MEI4: variants seen among roughly 807,000 people sequenced by gnomAD.
The protein encoded by MEI4 is meiosis-specific protein MEI4.
A neutral mutation model predicts 31.4 loss-of-function variants in MEI4; 27 were observed. That is an observed-to-expected ratio of 0.86 (90% CI 0.63 to 1.19). The LOEUF (loss-of-function observed/expected upper bound fraction) is 1.19. MEI4 is among the 50% of genes most tolerant of loss of function. MEI4 has a pLI of 0.00. For synonymous variants in MEI4, 122 were observed against 145.4 expected, an observed-to-expected ratio of 0.84 and a Z score of 1.16; for missense variants, 329 against 398.9, an observed-to-expected ratio of 0.82 and a Z score of 1.49.
intron 4 of MEI4, among the ~76,000 whole-genome samples, chr6:77,894,421 G>A (rs1282811268): frequency 6.6e-6 from 1 of 151,926 alleles, no homozygotes; most frequent in Non-Finnish European, 1.5e-5. Flanking sequence ...CGTAATACAA[G>A]TGTCTATAAG....
chr6:77,839,448 C>A (rs1474420624), intron 4 of MEI4, among the ~76,000 whole-genome samples: 1 of 152,086 alleles, frequency 6.6e-6, no homozygotes, highest in Admixed American at 6.6e-5. Flanking sequence ...TGGAGAAGGG[C>A]ATCCTTAATT....
intron 1 of MEI4, among the ~76,000 whole-genome samples, chr6:77,657,126 G>T (rs370380491): frequency 7.9e-5 from 12 of 152,114 alleles, no homozygotes; most frequent in East Asian, 5.8e-4. Flanking sequence ...TCAAAAATAA[G>T]GCTACTGCAC....
At chr6:77,817,627 A>AT (rs573597560) in intron 3 of MEI4, among the ~76,000 whole-genome samples, 206 of 152,038 alleles carry the variant, frequency 1.4e-3, no homozygotes, top group Admixed American at 6.2e-3. Context: ...CTCAATTTGT[A>AT]TTTTTTATTT....
intron 1 of MEI4, among the ~76,000 whole-genome samples, chr6:77,689,392 T>C (rs1380976877): frequency 6.6e-6 from 1 of 152,096 alleles, no homozygotes; most frequent in African/African-American, 2.4e-5. Flanking sequence ...GATGAACATA[T>C]TTTATACAGA....
At chr6:77,794,252 C>T (rs1371614587) in intron 3 of MEI4, among the ~76,000 whole-genome samples, 1 of 152,102 alleles carries the variant, frequency 6.6e-6, no homozygotes, top group African/African-American at 2.4e-5. Flanking sequence ...GAGGAAATGA[C>T]AGTTGTTAAC....
chr6:77,841,518 T>A (rs1326140199), intron 4 of MEI4, among the ~76,000 whole-genome samples: 7 of 150,958 alleles, frequency 4.6e-5, no homozygotes, highest in African/African-American at 1.7e-4. Flanking sequence ...TTTTCTGTAT[T>A]TTTAGTAGAG....
intron 4 of MEI4, among the ~76,000 whole-genome samples, chr6:77,838,073 A>G (rs1582200128): frequency 6.6e-6 from 1 of 152,154 alleles, no homozygotes; most frequent in East Asian, 1.9e-4. Context: ...TATTATTATT[A>G]CTATTCAACA....
In MEI4 at chr6:77,795,151, T is replaced by G. The variant is rs140725093; in HGVS notation, c.768+33486T>G. Among the ~76,000 whole-genome samples, 702 of 152,108 alleles carry G rather than the reference T, an allele frequency of 4.6e-3. 7 individuals are homozygous for G. Among genetic ancestry groups the G allele is most frequent in the South Asian group, 0.022 (104 of 4,828 alleles). On this transcript the variant is annotated intron_variant, in intron 3 of 4. Transcript: ENST00000684080. ...ATCTCAAACAACCTAACTTTACACCTAAAATAACTAGAAAAAGAAGAAACT... is the reference window on the plus strand; with the variant it reads ...ATCTCAAACAACCTAACTTTACACCGAAAATAACTAGAAAAAGAAGAAACT...
chr6:77,816,639 C>T (rs1344640420), intron 3 of MEI4, among the ~76,000 whole-genome samples: 1 of 152,030 alleles, frequency 6.6e-6, no homozygotes, highest in African/African-American at 2.4e-5. Flanking sequence ...GATTTATAAT[C>T]CTTTGGGTAT....
At chr6:77,773,813 CTG>C (rs1554163331) in intron 3 of MEI4, among the ~76,000 whole-genome samples, 5 of 151,972 alleles carry the variant, frequency 3.3e-5, no homozygotes, top group Admixed American at 6.6e-5. Flanking sequence ...TCAAATAACT[CTG>C]TAAGAAAAAC....
Position 77,677,933 on chromosome 6 carries a change from A to G in MEI4, c.-14-12725A>G, listed in dbSNP as rs9448132. Among the ~76,000 whole-genome samples the G allele has an allele frequency of 8.1e-3, 1,226 of 152,280 alleles. 14 individuals are homozygous for G. The highest frequency in any genetic ancestry group is 0.027 in the African/African-American group (1,110 of 41,552). On this transcript the variant is annotated intron_variant, in intron 1 of 4. Coordinates refer to ENST00000684080, the MANE Select transcript of MEI4 (RefSeq NM_001322247.2). Reference sequence around the variant, plus strand: ...GAGGTGATACTTTTACAGTTTTCTTATAGTAACTGAAAGGACAATTAGACT... The same window carrying G: ...GAGGTGATACTTTTACAGTTTTCTTGTAGTAACTGAAAGGACAATTAGACT...
intron 2 of MEI4, among the ~76,000 whole-genome samples, chr6:77,739,324 A>G (rs550043808): frequency 2.0e-5 from 3 of 152,102 alleles, no homozygotes; most frequent in African/African-American, 2.4e-5. Context: ...TCCCAGCACT[A>G]TTTATTAAAT....
intron 4 of MEI4, among the ~76,000 whole-genome samples, chr6:77,863,274 T>G (rs1770918582): frequency 6.6e-6 from 1 of 151,940 alleles, no homozygotes; most frequent in Non-Finnish European, 1.5e-5. Context: ...CTTCAGATGA[T>G]GAAACAACTC....
chr6:77,774,321 TAGTC>T (rs759722236), intron 3 of MEI4, among the ~76,000 whole-genome samples: 33 of 152,140 alleles, frequency 2.2e-4, no homozygotes, highest in Non-Finnish European at 4.4e-4. Context: ...AATGAAGTAG[TAGTC>T]AGCCGTAAAA....
At chr6:77,866,775 G>A (rs181767148) in intron 4 of MEI4, among the ~76,000 whole-genome samples, 40 of 152,304 alleles carry the variant, frequency 2.6e-4, no homozygotes, top group Non-Finnish European at 8.8e-5. Flanking sequence ...TCAATTCTAA[G>A]TCAAAAGAAC....
chr6:77,834,009 C>T (rs1450437774), intron 4 of MEI4, among the ~76,000 whole-genome samples: 1 of 152,142 alleles, frequency 6.6e-6, no homozygotes, highest in Non-Finnish European at 1.5e-5. Flanking sequence ...ATATGTGCCA[C>T]ATTTTCTTTA....
At chr6:77,852,732 T>C (rs984476677) in intron 4 of MEI4, among the ~76,000 whole-genome samples, 2 of 152,030 alleles carry the variant, frequency 1.3e-5, no homozygotes, top group Admixed American at 6.6e-5. Flanking sequence ...TATTTTATAA[T>C]GGCACTAATC....
intron 4 of MEI4, among the ~76,000 whole-genome samples, chr6:77,871,068 A>C (rs1008976152): frequency 3.3e-5 from 5 of 152,188 alleles, no homozygotes; most frequent in African/African-American, 1.2e-4. Flanking sequence ...TGGATTCCTT[A>C]ACATTCAGAT....
chr6:77,802,321 T>C (rs1472634448), intron 3 of MEI4, among the ~76,000 whole-genome samples: 1 of 152,198 alleles, frequency 6.6e-6, no homozygotes, highest in Non-Finnish European at 1.5e-5. Flanking sequence ...TCCATTTGCT[T>C]GGTAGATCTT....
Sources: allele counts gnomAD v4.1 joint callset (sites outside exome capture counted in the v4.1 genomes callset), GRCh38; gene constraint gnomAD v4.1.1; transcripts MANE v1.5; gene names NCBI Gene and HGNC (gene_info 2026-07-23, HGNC 2026-07-21).